HSD17B2: variants seen among roughly 807,000 people sequenced by gnomAD.
HSD17B2 encodes 17-beta-hydroxysteroid dehydrogenase type 2.
A neutral mutation model predicts 26.9 loss-of-function variants in HSD17B2; 32 were observed. That is an observed-to-expected ratio of 1.19 (90% CI 0.90 to 1.60). HSD17B2 has a LOEUF of 1.60. Ranked by LOEUF, HSD17B2 falls within the 40% of genes most tolerant of loss-of-function variation. HSD17B2 has a pLI of 0.00. For synonymous variants in HSD17B2, 246 were observed against 186.7 expected (o/e 1.32, Z -2.59); for missense variants, 613 against 468.6 (o/e 1.31, Z -2.85).
intron 1 of HSD17B2, among the ~76,000 whole-genome samples, chr16:82,040,792 T>G (rs538987684): frequency 2.0e-5 from 3 of 152,232 alleles, no homozygotes; most frequent in African/African-American, 7.2e-5. Context: ...CAGAACTGAG[T>G]CTGAGAGCAG....
intron 4 of HSD17B2, 71 bp from the exon 5 acceptor site, chr16:82,098,002 CAG>C (rs1904903638): frequency 2.0e-6 from 3 of 1,485,374 alleles, no homozygotes; most frequent in Non-Finnish European, 2.7e-6. Context: ...TCCTTCCCAA[CAG>C]AGACAAGCGC....
chr16:82,048,405 C>T (rs8061420), intron 1 of HSD17B2, among the ~76,000 whole-genome samples: 90,682 of 151,944 alleles, frequency 0.6, 27,356 homozygotes, highest in Admixed American at 0.65. Context: ...CAGGAAAGGG[C>T]ACAGGAAGGA....
chr16:82,039,748 C>G (rs1256945282), intron 1 of HSD17B2, among the ~76,000 whole-genome samples: 1 of 152,106 alleles, frequency 6.6e-6, no homozygotes, highest in African/African-American at 2.4e-5. Flanking sequence ...CATCCTGCCC[C>G]CTCCAGTCAT....
chr16:82,096,017 G>A lies in HSD17B2; in HGVS notation c.803-2058G>A, dbSNP rs571748548. 6 of 152,202 alleles carry A rather than the reference G, an allele frequency of 3.9e-5. No homozygotes were observed. In the East Asian group the frequency reaches 9.6e-4, roughly 24 times the overall value. The allele number at this position is 152,202 out of a possible 1,614,324, so 9.4% of individuals were successfully genotyped here. ...CTTTATATAATGAGGAGGCAGAGCT[G>A]CTACATTTTAAAGTAAATAAATTAT... On this transcript the variant is annotated intron_variant, in intron 4 of 4. Transcript: ENST00000199936.
At chr16:82,050,217 C>A (rs1257762696) in intron 1 of HSD17B2, among the ~76,000 whole-genome samples, 2 of 152,192 alleles carry the variant, frequency 1.3e-5, no homozygotes, top group African/African-American at 4.8e-5. Context: ...TGGGACCCTT[C>A]CCTACCTGGC....
At chr16:82,091,282 G>C (rs753913110) in intron 4 of HSD17B2, 3 of 530,126 alleles carry the variant, frequency 5.7e-6, no homozygotes, top group Non-Finnish European at 1.0e-5. Context: ...CCAGGGAGAG[G>C]GGAAAGCATG....
intron 1 of HSD17B2, among the ~76,000 whole-genome samples, chr16:82,058,241 T>G (rs1177442682): frequency 2.6e-5 from 4 of 151,918 alleles, no homozygotes; most frequent in Non-Finnish European, 5.9e-5. Context: ...TGGCTAATTT[T>G]TAAATTATTT....
intron 1 of HSD17B2, among the ~76,000 whole-genome samples, chr16:82,055,715 T>C (rs1188988256): frequency 6.6e-6 from 1 of 152,176 alleles, no homozygotes; most frequent in African/African-American, 2.4e-5. Flanking sequence ...CAGAGCAGGT[T>C]CATGAGCTGG....
At chr16:82,052,808 A>G (rs1312605104) in intron 1 of HSD17B2, among the ~76,000 whole-genome samples, 1 of 152,252 alleles carries the variant, frequency 6.6e-6, no homozygotes, top group African/African-American at 2.4e-5. Flanking sequence ...GCTGTAAAAA[A>G]GCATAACAGA....
rs376698104 is a variant in HSD17B2 at position 82,098,063 on chromosome 16, C to T, written c.803-12C>T. On this transcript the variant is annotated splice_polypyrimidine_tract_variant and intron_variant, in intron 4 of 4. Transcript: ENST00000199936. The stretch of plus-strand genomic sequence containing the variant: ...TCCCAGGATCTGACTCTTCCCTTTC[C>T]TTTCACCCCAGATATCGCAGGCACC... 23 of 1,599,784 alleles carry T rather than the reference C, an allele frequency of 1.4e-5. No homozygotes were observed. Among genetic ancestry groups the T allele is most frequent in the Non-Finnish European group, 1.9e-5 (22 of 1,172,208 alleles).
intron 1 of HSD17B2, among the ~76,000 whole-genome samples, chr16:82,046,751 C>T (rs1913942410): frequency 6.6e-6 from 1 of 152,090 alleles, no homozygotes; most frequent in African/African-American, 2.4e-5. Context: ...CTCAATACCC[C>T]TATTCTAGAG....
intron 1 of HSD17B2, among the ~76,000 whole-genome samples, chr16:82,045,121 C>CAAAAAAAAAAA (rs10565056): frequency 2.3e-5 from 1 of 42,776 alleles, no homozygotes; most frequent in African/African-American, 5.9e-5. Context: ...AAACTCTGTC[C>CAAAAAAAAAAA]AAAAAAAAAA....
intron 1 of HSD17B2, among the ~76,000 whole-genome samples, chr16:82,037,884 A>G (rs927620487): frequency 1.3e-5 from 2 of 152,198 alleles, no homozygotes; most frequent in African/African-American, 2.4e-5. Context: ...GCTGGAAGAA[A>G]TAGTTTGTAT....
chr16:82,081,043 T>C (rs1252695701), intron 3 of HSD17B2, among the ~76,000 whole-genome samples: 1 of 151,962 alleles, frequency 6.6e-6, no homozygotes, highest in African/African-American at 2.4e-5. Flanking sequence ...CAAATCTCCC[T>C]GGTTTCTTTC....
chr16:82,050,128 A>G (rs1449138699), intron 1 of HSD17B2, among the ~76,000 whole-genome samples: 1 of 152,082 alleles, frequency 6.6e-6, no homozygotes, highest in African/African-American at 2.4e-5. Flanking sequence ...TGTATAAACA[A>G]TTTCTCTCTC....
chr16:82,070,998 C>A lies in HSD17B2; in HGVS notation c.535C>A (p.Leu179Ile), dbSNP rs372223061. Residue 179 changes from leucine to isoleucine, a missense_variant, in exon 3 of 5, where the codon CTT becomes ATT. Physicochemically the swap from Leu to Ile is conservative, Grantham distance 5. Transcript: ENST00000199936. The stretch of plus-strand genomic sequence containing the variant: ...GCTTGGCTTTCCAACTGATGGGGAG[C>A]TTCTTCTTATGACTGACTACAAACA... ...GVLGFPTDGELLLMTDYKQCM... is the reference protein window; with the variant it reads ...GVLGFPTDGEILLMTDYKQCM... 9.3e-6 allele frequency: 15 copies of A among 1,614,074 alleles called. No homozygotes were observed. Among genetic ancestry groups the A allele is most frequent in the Non-Finnish European group, 1.2e-5 (14 of 1,180,026 alleles).
intron 1 of HSD17B2, among the ~76,000 whole-genome samples, chr16:82,038,885 A>G (rs1194564458): frequency 1.3e-5 from 2 of 151,998 alleles, no homozygotes; most frequent in Non-Finnish European, 2.9e-5. Flanking sequence ...GAGCTGTGCC[A>G]ATTGGAGACT....
chr16:82,045,800 G>C (rs1003213389), intron 1 of HSD17B2, among the ~76,000 whole-genome samples: 1 of 152,224 alleles, frequency 6.6e-6, no homozygotes, highest in Non-Finnish European at 1.5e-5. Context: ...TCTAACTTTG[G>C]TTCATGCCCT....
intron 1 of HSD17B2, among the ~76,000 whole-genome samples, chr16:82,060,690 A>G (rs1914411998): frequency 6.6e-6 from 1 of 152,192 alleles, no homozygotes; most frequent in African/African-American, 2.4e-5. Flanking sequence ...AGATTCCACT[A>G]TGAGAAAGGG....
Sources: gnomAD v4.1 joint callset for allele counts (sites outside exome capture counted in the v4.1 genomes callset) on GRCh38, gnomAD v4.1.1 for gene constraint, MANE v1.5 for transcripts, NCBI Gene and HGNC (gene_info 2026-07-23, HGNC 2026-07-21) for gene names.